RNF213: variants seen among roughly 807,000 people sequenced by gnomAD.
RNF213 encodes the protein ring finger protein 213, also known as E3 ubiquitin-protein ligase RNF213.
RNF213 carries 341 observed loss-of-function variants against 514.4 expected under a neutral mutation model. That is an observed-to-expected ratio of 0.66 (90% confidence interval 0.61 to 0.73). The LOEUF is 0.73. Among genes scored for constraint, RNF213 ranks in the 30% least tolerant of loss-of-function variants. RNF213 has a pLI of 0.00. For missense variants in RNF213, 5,767 were observed against 6,615.6 expected (o/e 0.87, Z 4.45); for synonymous variants, 2,655 against 2,658.2 (o/e 1.00, Z 0.04).
At chr17:80,319,151 T>G in intron 16 of RNF213, 39 bp from the exon 17 acceptor site, 1 of 1,614,116 alleles carries the variant, frequency 6.2e-7, no homozygotes, top group Non-Finnish European at 8.5e-7. Flanking sequence ...GAGCGCTGCA[T>G]CCGAAAGCTC....
At chr17:80,261,501 A>C (rs11658567) in intron 1 of RNF213, among the ~76,000 whole-genome samples, 5 of 152,162 alleles carry the variant, frequency 3.3e-5, no homozygotes, top group African/African-American at 1.2e-4. Context: ...GGGGGAGTCC[A>C]GGGCGGGAGG....
rs2044156434 is a variant in RNF213 at position 80,278,739 on chromosome 17, T to C, written c.261+5335T>C. 4 of 1,536,972 alleles carry C rather than the reference T, an allele frequency of 2.6e-6. No individual in the cohort carries two copies. The East Asian group carries it at 9.8e-5, about 38-fold the overall frequency. Reference sequence around the variant, plus strand: ...GCGTGGGGTGCACAGCCCTGCCCTGTCTGAAGGGGGTCGTGTTTCAACAGG... The same window carrying C: ...GCGTGGGGTGCACAGCCCTGCCCTGCCTGAAGGGGGTCGTGTTTCAACAGG... On this transcript the variant is annotated intron_variant, in intron 3 of 67. Coordinates refer to ENST00000582970, the MANE Select transcript of RNF213 (RefSeq NM_001256071.3).
chr17:80,294,423 C>A (rs1422991559), intron 8 of RNF213, among the ~76,000 whole-genome samples: 1 of 152,198 alleles, frequency 6.6e-6, no homozygotes, highest in Non-Finnish European at 1.5e-5. Context: ...TGCTGAGCTA[C>A]ATAGTTAGAG....
At position 80,338,075 on chromosome 17, in the gene RNF213, G is replaced by A. The variant is rs985874810; in HGVS notation, c.4833+78G>A. 2.4e-5 allele frequency: 36 copies of A among 1,495,502 alleles called. No homozygotes were observed. In the African/African-American group the frequency reaches 3.0e-4, roughly 13 times the overall value. 92.6% of individuals were successfully genotyped at this position (1,495,502 alleles called of 1,614,324 possible). ...GAGGGCTGTGTACTCCCAAGAAAAC[G>A]GAAAGGATTTGACTTGGGATTTGAC... On this transcript the variant is annotated intron_variant, in intron 25 of 67. Transcript: ENST00000582970.
chr17:80,267,230 GAA>G (rs553350644), intron 2 of RNF213, among the ~76,000 whole-genome samples: 1 of 149,038 alleles, frequency 6.7e-6, no homozygotes, highest in Non-Finnish European at 1.5e-5. Context: ...AAAAAAAAAA[GAA>G]AAAAAAGAGA....
At position 80,393,870 on chromosome 17, in the gene RNF213, T is replaced by C. The variant is rs200961756; in HGVS notation, c.*372T>C. On this transcript the variant is annotated 3_prime_UTR_variant, in exon 68 of 68. Transcript: ENST00000582970. The stretch of plus-strand genomic sequence containing the variant: ...TCGCCTCTGGCACTGCCCACCCCTC[T>C]TTTTTTTTTTCTTCTAATTCTGTAC... The C allele has an allele frequency of 5.5e-6, 1 of 180,416 alleles. No individual in the cohort carries two copies. The highest frequency in any genetic ancestry group is 1.2e-5 in the Non-Finnish European group (1 of 86,812). 11.2% of individuals were successfully genotyped at this position (180,416 alleles called of 1,614,324 possible).
In RNF213 at chr17:80,354,019, G is replaced by A. The variant is rs547259103; in HGVS notation, c.10579G>A (p.Val3527Met). ...ATGACCCAACCGTCTCCACCAACAG[G>A]TGTCGATCCTGGACACCACCAGGCT... ...KETSELGGSD[V>M]SILDTTRLLR... is the part of the protein sequence containing the mutation. The change falls in exon 35 of 68, where the codon GTG becomes ATG. Residue 3527 changes from valine to methionine, a missense_variant and splice_region_variant. Physicochemically the swap from Val to Met is conservative, Grantham distance 21 (BLOSUM62 1). This residue lies in a region of RNF213 where 919 missense variants were observed against 1,121.0 expected (regional missense o/e 0.82). Coordinates refer to ENST00000582970, the MANE Select transcript of RNF213 (RefSeq NM_001256071.3). The A allele has an allele frequency of 6.2e-6, 10 of 1,613,760 alleles. No homozygotes were observed. The East Asian group carries it at 2.2e-4, about 36-fold the overall frequency.
intron 37 of RNF213, among the ~76,000 whole-genome samples, chr17:80,359,163 T>C (rs1201896450): frequency 6.6e-6 from 1 of 152,052 alleles, no homozygotes; most frequent in Non-Finnish European, 1.5e-5. Context: ...CGGCTCAGGC[T>C]CAGCTCCCAA....
At chr17:80,355,379 G>A (rs1232694178) in intron 36 of RNF213, 5 of 376,738 alleles carry the variant, frequency 1.3e-5, no homozygotes, top group African/African-American at 6.6e-5. Context: ...GGAGCTTACA[G>A]GGGAAGAAGC....
Position 80,368,067 on chromosome 17 carries a change from T to C in RNF213, c.12079T>C (p.Ser4027Pro). 3.1e-6 allele frequency: 5 copies of C among 1,614,240 alleles called. No individual in the cohort carries two copies. Among genetic ancestry groups the C allele is most frequent in the Non-Finnish European group, 4.2e-6 (5 of 1,180,048 alleles). The change falls in exon 44 of 68, where the codon TCA (serine) becomes CCA (proline). Residue 4027 changes from serine (S) to proline (P), a missense_variant. Ser to Pro is a moderately conservative substitution (Grantham distance 74, BLOSUM62 -1). Around this residue, in one of 13 missense-constraint regions of RNF213, gnomAD observed 25 missense variants for 53.1 expected, o/e 0.47. Transcript: ENST00000582970. ...GCGCTGCCTCAGGGCCTGGTTTGCC[T>C]CAGAGCAGATGATATGCCCCTACTG... ...CLRCLRAWFA[S>P]EQMICPYCLT... is the part of the protein sequence containing the mutation.
chr17:80,311,818 G>A (rs1223243764), intron 14 of RNF213, among the ~76,000 whole-genome samples: 1 of 151,992 alleles, frequency 6.6e-6, no homozygotes, highest in Non-Finnish European at 1.5e-5. Context: ...GTGCGGGGCT[G>A]TGCTTAAAAA....
At chr17:80,278,998 C>A in intron 3 of RNF213, 1 of 1,499,202 alleles carries the variant, frequency 6.7e-7, no homozygotes, top group South Asian at 1.2e-5. Context: ...ACTTCCGGCC[C>A]TTGAGTCCCT....
In RNF213 at chr17:80,288,477, C is replaced by T. The variant is rs1441594342; in HGVS notation, c.810+114C>T. Reference sequence around the variant, plus strand: ...CGGGGGGAGGGGCGTCCTCTGGGCCCTGCTCCCTGGGTGGGAGTCGGAGGG... The same window carrying T: ...CGGGGGGAGGGGCGTCCTCTGGGCCTTGCTCCCTGGGTGGGAGTCGGAGGG... On this transcript the variant is annotated intron_variant, in intron 4 of 67. Coordinates refer to ENST00000582970, the MANE Select transcript of RNF213 (RefSeq NM_001256071.3). The surrounding 1 kb of genome is among the most constrained non-coding windows in gnomAD (Gnocchi z 4.9). 2.3e-5 allele frequency: 37 copies of T among 1,594,778 alleles called. No individual in the cohort carries two copies. Among genetic ancestry groups the T allele is most frequent in the Non-Finnish European group, 2.8e-5 (33 of 1,168,020 alleles).
Position 80,353,515 on chromosome 17 carries a change from G to A in RNF213, c.10427G>A (p.Gly3476Asp). Reference protein sequence around the residue: ...LFAPGDLPELGLEHRAEDGHE... With the variant: ...LFAPGDLPELDLEHRAEDGHE... ...ATCACGTTTGCTTCGACTGCAGTGG[G>A]CTTGGAACACCGGGCGGAAGACGGC... The change falls in exon 34 of 68, where the codon GGC becomes GAC. Residue 3476 changes from glycine to aspartate, a missense_variant. By Grantham distance (94) the Gly-to-Asp change is moderately conservative. Around this residue, in one of 13 missense-constraint regions of RNF213, gnomAD observed 919 missense variants for 1,121.0 expected, o/e 0.82. Transcript: ENST00000582970. This position sits in a 1 kb window ranked among gnomAD's most constrained non-coding sequence, Gnocchi z 5.0. The A allele has an allele frequency of 6.2e-7, 1 of 1,609,754 alleles. No individual in the cohort carries two copies. Among genetic ancestry groups the A allele is most frequent in the Non-Finnish European group, 8.5e-7 (1 of 1,177,900 alleles).
chr17:80,395,254 T>A lies in RNF213; in HGVS notation c.*1756T>A, dbSNP rs561913526. On this transcript the variant is annotated 3_prime_UTR_variant, in exon 68 of 68. Coordinates refer to ENST00000582970, the MANE Select transcript of RNF213 (RefSeq NM_001256071.3). ...CTAGCAGAGGCAAAAAAAAAAAAAA[T>A]GAATTTTATTTTACTTGTCACACCT... 2.4e-4 allele frequency: 36 copies of A among 147,450 alleles called. 1 individual carries two copies. In the South Asian group the frequency reaches 6.2e-3, roughly 25 times the overall value. The allele number at this position is 147,450 out of a possible 1,614,324, so 9.1% of individuals were successfully genotyped here.
intron 35 of RNF213, 31 bp downstream of exon 35, chr17:80,354,197 C>A: frequency 6.2e-7 from 1 of 1,609,420 alleles, no homozygotes; most frequent in Non-Finnish European, 8.5e-7. Flanking sequence ...CTTGCCCCTG[C>A]CCCCACGTGG....
intron 20 of RNF213, among the ~76,000 whole-genome samples, chr17:80,330,383 G>T (rs932147481): frequency 6.6e-6 from 1 of 152,202 alleles, no homozygotes; most frequent in African/African-American, 2.4e-5. Flanking sequence ...TGCTGCCGTG[G>T]GGTGCTGTGG....
chr17:80,300,921 C>G (rs758335811), intron 11 of RNF213, among the ~76,000 whole-genome samples: 15 of 152,164 alleles, frequency 9.9e-5, no homozygotes, highest in Non-Finnish European at 2.1e-4. Context: ...TGCCTGTTAG[C>G]CACATGTATG....
At chr17:80,363,860 G>A (rs2079148962) in intron 41 of RNF213, 70 bp downstream of exon 41, 2 of 1,460,086 alleles carry the variant, frequency 1.4e-6, no homozygotes, top group Admixed American at 1.8e-5. Context: ...CAAGTGCCAG[G>A]CATGTCCATG....
Sources: gnomAD v4.1 joint callset for allele counts (sites outside exome capture counted in the v4.1 genomes callset) on GRCh38, gnomAD v4.1.1 for gene constraint, gnomAD v4.1.1 regional missense constraint, Gnocchi (gnomAD v3.1) non-coding constraint, MANE v1.5 for transcripts, NCBI Gene and HGNC (gene_info 2026-07-23, HGNC 2026-07-21) for gene names.